Variants in TNRC18 observed in about 807,000 individuals in gnomAD.
The protein encoded by TNRC18 is trinucleotide repeat-containing gene 18 protein.
TNRC18 carries 69 observed loss-of-function variants against 226.7 expected under a neutral mutation model. That is an observed-to-expected ratio of 0.30 (90% confidence interval 0.25 to 0.37). The LOEUF is 0.37. Ranked by LOEUF, TNRC18 falls within the 10% of genes least tolerant of loss-of-function variation. The pLI, the probability that TNRC18 is intolerant of heterozygous loss-of-function variation, is 1.00. For missense variants in TNRC18, 4,754 were observed against 4,256.6 expected, an observed-to-expected ratio of 1.12 and a Z score of -3.25; for synonymous variants, 2,449 against 1,927.6, an observed-to-expected ratio of 1.27 and a Z score of -7.09.
rs186000261 is a variant in TNRC18, at chr7:5,349,151, G to A, written c.5470+2668C>T. The stretch of plus-strand genomic sequence containing the variant: ...CGTCCACGCCAGAGCCCAGAAAGCC[G>A]AGAGCAGCCCAATGCCCGCACCTCG... On this transcript the variant is annotated intron_variant, in intron 17 of 29. Transcript: ENST00000430969. Among the ~76,000 whole-genome samples, 456 of 152,322 alleles carry A rather than the reference G, an allele frequency of 3.0e-3. 5 individuals are homozygous for A. The highest frequency in any genetic ancestry group is 0.01 in the African/African-American group (432 of 41,574).
Position 5,421,801 on chromosome 7 carries a change from G to A in TNRC18, c.-243-312C>T, listed in dbSNP as rs191848303. 5.1e-3 allele frequency among the ~76,000 whole-genome samples: 784 copies of A among 152,306 alleles called. 2 individuals carry two copies. Among genetic ancestry groups the A allele is most frequent in the Non-Finnish European group, 8.6e-3 (585 of 68,030 alleles). Reference sequence around the variant, plus strand: ...CTCCCGAAACCGGGGAGGGCTCCTCGGCTGCGCCCAGACGGCGTAAATACA... The same window carrying A: ...CTCCCGAAACCGGGGAGGGCTCCTCAGCTGCGCCCAGACGGCGTAAATACA... On this transcript the variant is annotated intron_variant, in intron 1 of 29. Coordinates refer to ENST00000430969, the MANE Select transcript of TNRC18 (RefSeq NM_001080495.3).
intron 18 of TNRC18, among the ~76,000 whole-genome samples, chr7:5,344,270 A>G (rs1369088260): frequency 6.6e-6 from 1 of 152,200 alleles, no homozygotes; most frequent in African/African-American, 2.4e-5. Flanking sequence ...GACAGGTAGC[A>G]CTGATCAGAG....
In TNRC18 at chr7:5,317,019, C is replaced by A. The variant is rs1159083138; in HGVS notation, c.6746-947G>T. 3.3e-5 allele frequency among the ~76,000 whole-genome samples: 5 copies of A among 152,162 alleles called. 1 individual carries two copies. The East Asian group carries it at 7.7e-4, about 24-fold the overall frequency. On this transcript the variant is annotated intron_variant, in intron 24 of 29. Transcript: ENST00000430969. ...GAGCGCAGGGAGGAGGTTGGACAGGCCCCCCAAAGGGTGATAGCCCAGCCC... is the reference window on the plus strand; with the variant it reads ...GAGCGCAGGGAGGAGGTTGGACAGGACCCCCAAAGGGTGATAGCCCAGCCC...
intron 17 of TNRC18, among the ~76,000 whole-genome samples, chr7:5,348,338 G>C (rs976628706): frequency 3.9e-5 from 6 of 152,156 alleles, no homozygotes; most frequent in South Asian, 2.1e-4. Context: ...TCTAGGGGCC[G>C]CAGGGCTGGA....
rs372751687 is a variant in TNRC18, at chr7:5,316,076, T to A, written c.6746-4A>T. On this transcript the variant is annotated splice_polypyrimidine_tract_variant and splice_region_variant and intron_variant, in intron 24 of 29. Transcript: ENST00000430969. Reference sequence around the variant, plus strand: ...TCGTCCTCCAGGTCCAGTAACCCTGTGGGAAGAGGGGAGGCTCAGGGGAGG... The same window carrying A: ...TCGTCCTCCAGGTCCAGTAACCCTGAGGGAAGAGGGGAGGCTCAGGGGAGG... 3 of 1,609,908 alleles carry A rather than the reference T, an allele frequency of 1.9e-6. No individual in the cohort carries two copies. Among genetic ancestry groups the A allele is most frequent in the Non-Finnish European group, 2.5e-6 (3 of 1,177,898 alleles).
At position 5,377,346 on chromosome 7, in the gene TNRC18, GAGAGACCCTGTGCCCC is replaced by G; in HGVS notation, c.2461+9_2461+24del. The G allele has an allele frequency of 6.6e-7, 1 of 1,505,076 alleles. No homozygotes were observed. Among genetic ancestry groups the G allele is most frequent in the Non-Finnish European group, 8.9e-7 (1 of 1,119,082 alleles). The allele number at this position is 1,505,076 out of a possible 1,614,324, so 93.2% of individuals were successfully genotyped here. On this transcript the variant is annotated intron_variant, in intron 7 of 29. Transcript: ENST00000430969. The surrounding 1 kb of genome is among the most constrained non-coding windows in gnomAD (Gnocchi z 5.8). ...CTCCCACCCCTCCCTCAGAGAAGGG[GAGAGACCCTGTGCCCC>G]ACACTCACCGTAGGGGTGTCCAGCG...
intron 16 of TNRC18, among the ~76,000 whole-genome samples, chr7:5,353,924 C>G (rs1792093403): frequency 6.6e-6 from 1 of 152,092 alleles, no homozygotes; most frequent in Non-Finnish European, 1.5e-5. Flanking sequence ...ATTCCCAGAC[C>G]AGGCACGGCA....
At chr7:5,400,384 C>G (rs1235414614) in intron 2 of TNRC18, among the ~76,000 whole-genome samples, 2 of 151,686 alleles carry the variant, frequency 1.3e-5, no homozygotes, top group Admixed American at 6.6e-5. Flanking sequence ...CAGAGGCGGG[C>G]GGATCACCTG....
rs1264174799 is a variant in TNRC18 at position 5,307,558 on chromosome 7, G to A, written c.*548C>T. ...CACCCGGCTCTGTTCCCCAAGTCTA[G>A]GCCATCCTGAGAGGGTGGGGGCAGG... On this transcript the variant is annotated 3_prime_UTR_variant, in exon 30 of 30. Transcript: ENST00000430969. 2 of 450,292 alleles carry A rather than the reference G, an allele frequency of 4.4e-6. No individual in the cohort carries two copies. The highest frequency in any genetic ancestry group is 2.4e-5 in the Admixed American group (1 of 42,170). The allele number at this position is 450,292 out of a possible 1,614,324, so 27.9% of individuals were successfully genotyped here. A position where few individuals can be genotyped will look rare whatever the true frequency, so the allele number is the denominator to read the frequency against.
At chr7:5,378,660 C>T (rs1779177687) in intron 5 of TNRC18, among the ~76,000 whole-genome samples, 1 of 151,798 alleles carries the variant, frequency 6.6e-6, no homozygotes, top group African/African-American at 2.4e-5. Context: ...CCTCGTGATC[C>T]ACCCACCTCA....
Position 5,308,923 on chromosome 7 carries a change from G to A in TNRC18, c.8652C>T (p.Ser2884=). The change falls in exon 29 of 30, where the codon AGC becomes AGT. Residue 2884 remains serine, a synonymous_variant. Coordinates refer to ENST00000430969, the MANE Select transcript of TNRC18 (RefSeq NM_001080495.3). ...GQHWDQKSSR[S]LPAALRVSSQ... ...TGGAGACCCGCAGGGCCGCCGGGAG[G>A]CTGCGGCTGGACTTCTGGTCCCAGT... 1 of 1,606,414 alleles carries A rather than the reference G, an allele frequency of 6.2e-7. No homozygotes were observed. The highest frequency in any genetic ancestry group is 8.5e-7 in the Non-Finnish European group (1 of 1,177,910).
At position 5,379,706 on chromosome 7, in the gene TNRC18, G is replaced by A. The variant is rs112196393; in HGVS notation, c.2153-1682C>T. 4.6e-5 allele frequency among the ~76,000 whole-genome samples: 7 copies of A among 152,362 alleles called. 2 individuals carry two copies. The highest frequency in any genetic ancestry group is 1.4e-4 in the African/African-American group (6 of 41,594). Reference sequence around the variant, plus strand: ...GCCAGAGATGGGACACACCGGACAGGTGAAGGCCCGGGAATGGGAGGAAGC... The same window carrying A: ...GCCAGAGATGGGACACACCGGACAGATGAAGGCCCGGGAATGGGAGGAAGC... On this transcript the variant is annotated intron_variant, in intron 5 of 29. Coordinates refer to ENST00000430969, the MANE Select transcript of TNRC18 (RefSeq NM_001080495.3).
At position 5,394,376 on chromosome 7, in the gene TNRC18, G is replaced by A; in HGVS notation, c.343+64C>T. ...CGATGACAACAGAGGGGCACATGAA[G>A]TGGCCAGAGTGGCTGGGACGTCAGC... On this transcript the variant is annotated intron_variant, in intron 3 of 29. Transcript: ENST00000430969. This position sits in a 1 kb window ranked among gnomAD's most constrained non-coding sequence, Gnocchi z 4.5. 1 of 1,421,894 alleles carries A rather than the reference G, an allele frequency of 7.0e-7. No individual in the cohort carries two copies. Among genetic ancestry groups the A allele is most frequent in the Non-Finnish European group, 9.3e-7 (1 of 1,075,576 alleles). 88.1% of individuals were successfully genotyped at this position (1,421,894 alleles called of 1,614,324 possible).
At chr7:5,389,460 G>C (rs367677656) in intron 4 of TNRC18, 124 bp from the exon 5 acceptor site, 1 of 535,264 alleles carries the variant, frequency 1.9e-6, no homozygotes, top group South Asian at 1.0e-4. Context: ...TTTTGGTTTT[G>C]GTTTTTTTTT....
At position 5,316,034 on chromosome 7, in the gene TNRC18, C is replaced by A. The variant is rs758118578; in HGVS notation, c.6784G>T (p.Val2262Leu). Reference protein sequence around the residue: ...DLEDDGDLITVEFDDGDTGRI... With the variant: ...DLEDDGDLITLEFDDGDTGRI... ...CCCGTGTCTCCGTCGTCAAACTCCA[C>A]GGTGATCAAGTCCCCATCGTCCTCC... Residue 2262 changes from valine (V) to leucine (L), a missense_variant, in exon 25 of 30, where the codon GTG becomes TTG. Coordinates refer to ENST00000430969, the MANE Select transcript of TNRC18 (RefSeq NM_001080495.3). The A allele has an allele frequency of 3.1e-6, 5 of 1,607,476 alleles. No homozygotes were observed. The highest frequency in any genetic ancestry group is 4.2e-6 in the Non-Finnish European group (5 of 1,176,998).
chr7:5,380,429 G>C (rs576072889), intron 5 of TNRC18, among the ~76,000 whole-genome samples: 4 of 152,166 alleles, frequency 2.6e-5, no homozygotes, highest in Non-Finnish European at 5.9e-5. Context: ...CTAGGCCACA[G>C]AGCATCTCCC....
At chr7:5,362,162 G>T in intron 12 of TNRC18, 129 bp from the exon 13 acceptor site, 1 of 1,132,122 alleles carries the variant, frequency 8.8e-7, no homozygotes. Context: ...TCCCACCGCT[G>T]CCACCTCCTG....
At chr7:5,396,508 G>A (rs1028134102) in intron 2 of TNRC18, among the ~76,000 whole-genome samples, 5 of 152,250 alleles carry the variant, frequency 3.3e-5, no homozygotes, top group East Asian at 1.9e-4. Flanking sequence ...CAATCCAGGC[G>A]ACAGAACAAG....
At position 5,313,336 on chromosome 7, in the gene TNRC18, T is replaced by C; in HGVS notation, c.7555A>G (p.Lys2519Glu). ...GSSEPKAPWP[K>E]ATDGDLAQEP... Reference sequence around the variant, plus strand: ...TGGGCGAGGTCCCCGTCGGTGGCCTTGGGCCAGGGTGCCTTGGGCTCGCTG... The same window carrying C: ...TGGGCGAGGTCCCCGTCGGTGGCCTCGGGCCAGGGTGCCTTGGGCTCGCTG... Residue 2519 changes from lysine (K) to glutamate (E), a missense_variant, in exon 27 of 30, where the codon AAG becomes GAG. Lys to Glu is a moderately conservative substitution (Grantham distance 56). Transcript: ENST00000430969. 6.4e-7 allele frequency: 1 copy of C among 1,555,668 alleles called. No homozygotes were observed. The highest frequency in any genetic ancestry group is 8.7e-7 in the Non-Finnish European group (1 of 1,150,702).
Sources: allele counts gnomAD v4.1 joint callset (sites outside exome capture counted in the v4.1 genomes callset), GRCh38; gene constraint gnomAD v4.1.1; non-coding constraint Gnocchi (gnomAD v3.1); transcripts MANE v1.5; gene names NCBI Gene and HGNC (gene_info 2026-07-23, HGNC 2026-07-21).